CADPS: variants seen among roughly 807,000 people sequenced by gnomAD.
The protein encoded by CADPS is calcium-dependent secretion activator 1.
CADPS carries 57 observed loss-of-function variants against 167.3 expected under a neutral mutation model. The ratio of observed to expected loss-of-function variants is 0.34; its 90% CI spans 0.28 to 0.42. The LOEUF (loss-of-function observed/expected upper bound fraction) is 0.42. CADPS is among the 20% of genes least tolerant of loss of function. CADPS has a pLI of 1.00. For synonymous variants in CADPS, 676 were observed against 635.3 expected (o/e 1.06, Z -0.96); for missense variants, 1,414 against 1,738.1 (o/e 0.81, Z 3.32).
intron 4 of CADPS, among the ~76,000 whole-genome samples, chr3:62,651,762 T>A (rs957169989): frequency 1.3e-5 from 2 of 152,220 alleles, no homozygotes; most frequent in African/African-American, 4.8e-5. Context: ...TCTTCATACT[T>A]CTAAGTCACC....
intron 5 of CADPS, among the ~76,000 whole-genome samples, chr3:62,646,469 G>A (rs1409267054): frequency 1.3e-5 from 2 of 152,080 alleles, no homozygotes; most frequent in Non-Finnish European, 2.9e-5. Context: ...ACCACGCGCG[G>A]CCAGGCTCTT....
chr3:62,431,292 C>G (rs2053889679), intron 28 of CADPS, among the ~76,000 whole-genome samples: 1 of 152,164 alleles, frequency 6.6e-6, no homozygotes, highest in Non-Finnish European at 1.5e-5. Flanking sequence ...ATTTACCCAC[C>G]CAGCTCAGAT....
chr3:62,810,528 A>G (rs958343110), intron 1 of CADPS, among the ~76,000 whole-genome samples: 3 of 152,110 alleles, frequency 2.0e-5, no homozygotes, highest in African/African-American at 7.2e-5. Flanking sequence ...TTTCTTTATT[A>G]CTCGGATTTG....
chr3:62,611,897 T>A (rs1020906738), intron 6 of CADPS, among the ~76,000 whole-genome samples: 1 of 152,182 alleles, frequency 6.6e-6, no homozygotes, highest in African/African-American at 2.4e-5. Context: ...TTATCACTTA[T>A]TGCCACCCGA....
chr3:62,857,039 T>A (rs561996627), intron 1 of CADPS, among the ~76,000 whole-genome samples: 2 of 152,108 alleles, frequency 1.3e-5, no homozygotes, highest in African/African-American at 4.8e-5. Context: ...TCGAACAACA[T>A]AACAAACATA....
At chr3:62,752,910 T>G (rs963184000) in intron 3 of CADPS, among the ~76,000 whole-genome samples, 1 of 152,244 alleles carries the variant, frequency 6.6e-6, no homozygotes, top group Non-Finnish European at 1.5e-5. Flanking sequence ...CAAGCCCATT[T>G]TGGGGTGGAC....
At chr3:62,662,937 T>C (rs2073620676) in intron 3 of CADPS, among the ~76,000 whole-genome samples, 1 of 152,190 alleles carries the variant, frequency 6.6e-6, no homozygotes, top group South Asian at 2.1e-4. Context: ...GATATCTAAG[T>C]TGAAATCTAT....
intron 3 of CADPS, among the ~76,000 whole-genome samples, chr3:62,666,339 G>A (rs2074399426): frequency 6.6e-6 from 1 of 152,142 alleles, no homozygotes; most frequent in African/African-American, 2.4e-5. Context: ...TGAGGAGCTT[G>A]ACAGCTCCAC....
At chr3:62,534,124 T>C (rs2074246134) in intron 12 of CADPS, among the ~76,000 whole-genome samples, 2 of 152,212 alleles carry the variant, frequency 1.3e-5, no homozygotes, top group South Asian at 2.1e-4. Flanking sequence ...TGTTTTCTGG[T>C]TTCAGTGTCT....
At chr3:62,858,696 A>G (rs990957755) in intron 1 of CADPS, among the ~76,000 whole-genome samples, 3 of 152,210 alleles carry the variant, frequency 2.0e-5, no homozygotes, top group African/African-American at 7.2e-5. Flanking sequence ...CATGCTGATT[A>G]AACACACTGC....
chr3:62,469,523 T>C (rs2060327612), intron 24 of CADPS: 1 of 152,390 alleles, frequency 6.6e-6, no homozygotes, highest in Non-Finnish European at 1.5e-5. Flanking sequence ...TGCTGGCCTT[T>C]TTTTTTTGAG....
chr3:62,600,226 G>A (rs1456703546), intron 6 of CADPS, among the ~76,000 whole-genome samples: 1 of 150,618 alleles, frequency 6.6e-6, no homozygotes, highest in South Asian at 2.1e-4. Context: ...AGGATACTCA[G>A]CATGCAACAG....
chr3:62,845,039 G>A (rs2077188682), intron 1 of CADPS, among the ~76,000 whole-genome samples: 1 of 152,146 alleles, frequency 6.6e-6, no homozygotes, highest in Admixed American at 6.5e-5. Flanking sequence ...ATCACAGGGT[G>A]GTACTTTTAG....
At chr3:62,697,520 G>T (rs987904545) in intron 3 of CADPS, among the ~76,000 whole-genome samples, 1 of 151,896 alleles carries the variant, frequency 6.6e-6, no homozygotes, top group Non-Finnish European at 1.5e-5. Flanking sequence ...TGGACTTTTG[G>T]GCTGGTTCCA....
chr3:62,814,391 C>T (rs1170626123), intron 1 of CADPS: 1 of 152,144 alleles, frequency 6.6e-6, no homozygotes, highest in African/African-American at 2.4e-5. Context: ...CATGCTCGCT[C>T]ACTTGGGCAG....
rs369841078 is a variant in CADPS, at chr3:62,414,886, C to G, written c.3778-11701G>C. 7.9e-4 allele frequency among the ~76,000 whole-genome samples: 120 copies of G among 152,264 alleles called. 1 individual carries two copies. In the Middle Eastern group the frequency reaches 0.014, roughly 17 times the overall value. Reference sequence around the variant, plus strand: ...TACTGGGGGATTGTTCCCAACCCCCCCAAACCCACTCTCCCCTCAAAGTAG... The same window carrying G: ...TACTGGGGGATTGTTCCCAACCCCCGCAAACCCACTCTCCCCTCAAAGTAG... On this transcript the variant is annotated intron_variant, in intron 28 of 29. Coordinates refer to ENST00000383710, the MANE Select transcript of CADPS (RefSeq NM_003716.4).
At chr3:62,861,679 G>A (rs1184327813) in intron 1 of CADPS, among the ~76,000 whole-genome samples, 5 of 152,140 alleles carry the variant, frequency 3.3e-5, no homozygotes, top group Middle Eastern at 3.4e-3. Context: ...TGGTCATGTC[G>A]TTGTCCTGCT....
At chr3:62,445,712 G>GAAAAAAA (rs369250660) in intron 27 of CADPS, 53 bp downstream of exon 27, 12 of 876,858 alleles carry the variant, frequency 1.4e-5, no homozygotes, top group African/African-American at 4.7e-5. Context: ...AAGTAAAAAT[G>GAAAAAAA]AAAAAAAAAA....
intron 3 of CADPS, among the ~76,000 whole-genome samples, chr3:62,738,535 C>T (rs555297901): frequency 6.6e-6 from 1 of 151,940 alleles, no homozygotes; most frequent in Non-Finnish European, 1.5e-5. Flanking sequence ...ATCAGCCTGG[C>T]CAACATGGTG....
Sources: gnomAD v4.1 joint callset for allele counts (sites outside exome capture counted in the v4.1 genomes callset) on GRCh38, gnomAD v4.1.1 for gene constraint, MANE v1.5 for transcripts, NCBI Gene and HGNC (gene_info 2026-07-23, HGNC 2026-07-21) for gene names.